The following FGF18 variants were observed in gnomAD, a reference collection of about 807,000 sequenced individuals.
FGF18 encodes fibroblast growth factor 18.
FGF18 carries 5 observed loss-of-function variants against 23.0 expected under a neutral mutation model. That is an observed-to-expected ratio of 0.22 (90% confidence interval 0.11 to 0.46). The LOEUF (loss-of-function observed/expected upper bound fraction) is 0.46, where lower values mean the gene tolerates loss of function less well. Ranked by LOEUF, FGF18 falls within the 20% of genes least tolerant of loss-of-function variation. The pLI is 0.99. For missense variants in FGF18, 180 were observed against 291.6 expected (o/e 0.62, Z 2.79); for synonymous variants, 117 against 118.9 (o/e 0.98, Z 0.10).
At chr5:171,444,717 C>A (rs1772393177) in intron 3 of FGF18, among the ~76,000 whole-genome samples, 1 of 152,106 alleles carries the variant, frequency 6.6e-6, no homozygotes, top group African/African-American at 2.4e-5. Context: ...CAGACCTTAC[C>A]CTGCTCTTCC....
intron 4 of FGF18, among the ~76,000 whole-genome samples, chr5:171,455,187 G>T (rs1382204329): frequency 2.6e-5 from 4 of 152,198 alleles, no homozygotes; most frequent in Non-Finnish European, 5.9e-5. Flanking sequence ...AGTGCTCCTT[G>T]TCCAGCAGAC....
chr5:171,423,797 T>TTTTTGTTTTTTG (rs1772055633), intron 2 of FGF18, among the ~76,000 whole-genome samples: 1 of 134,290 alleles, frequency 7.4e-6, no homozygotes. Context: ...TTTTTTTTTT[T>TTTTTGTTTTTTG]GTGCTCTGTC....
chr5:171,429,027 C>T (rs1772139567), intron 2 of FGF18, among the ~76,000 whole-genome samples: 1 of 152,198 alleles, frequency 6.6e-6, no homozygotes, highest in Admixed American at 6.5e-5. Context: ...AATGGACAGT[C>T]TGGGGGGTGG....
In FGF18 at chr5:171,434,805, C is replaced by T. The variant is rs987428544; in HGVS notation, c.70-1288C>T. Among the ~76,000 whole-genome samples the T allele has an allele frequency of 6.9e-6, 1 of 145,332 alleles. No homozygotes were observed. Among genetic ancestry groups the T allele is most frequent in the South Asian group, 2.2e-4 (1 of 4,500 alleles). On this transcript the variant is annotated intron_variant, in intron 2 of 4. Transcript: ENST00000274625. The surrounding 1 kb of genome is among the most constrained non-coding windows in gnomAD (Gnocchi z 4.6). ...ATGAGAGACACTGCTCCAGCTTTCT[C>T]TCCCTTTTTTTTTTTTTTTTGATGG...
In FGF18 at chr5:171,451,173, C is replaced by T. The variant is rs1478535222; in HGVS notation, c.357+1920C>T. Among the ~76,000 whole-genome samples, 1 of 151,906 alleles carries T rather than the reference C, an allele frequency of 6.6e-6. No homozygotes were observed. Among genetic ancestry groups the T allele is most frequent in the Admixed American group, 6.6e-5 (1 of 15,252 alleles). On this transcript the variant is annotated intron_variant, in intron 4 of 4. Transcript: ENST00000274625. This position sits in a 1 kb window ranked among gnomAD's most constrained non-coding sequence, Gnocchi z 4.5. ...TCTCTCCCGTCATTAATATTGGTGA[C>T]GGTTCAGCTGGCGCGGCGCACCCTG...
chr5:171,430,568 C>T (rs1481364353), intron 2 of FGF18, among the ~76,000 whole-genome samples: 1 of 148,196 alleles, frequency 6.7e-6, no homozygotes, highest in Non-Finnish European at 1.5e-5. Flanking sequence ...GCGGGTGGAT[C>T]ATGAGGTCAG....
Position 171,439,550 on chromosome 5 carries a change from G to T in FGF18, c.250+3277G>T, listed in dbSNP as rs554084810. Among the ~76,000 whole-genome samples, 8 of 152,330 alleles carry T rather than the reference G, an allele frequency of 5.3e-5. No individual in the cohort carries two copies. The South Asian group carries it at 6.2e-4, about 12-fold the overall frequency. ...GTTGCCATGTCATAGAACAGCACTG[G>T]AACAGGAAGCAGGACACTGAGTTCC... On this transcript the variant is annotated intron_variant, in intron 3 of 4. Transcript: ENST00000274625.
At chr5:171,426,189 G>A (rs1772086102) in intron 2 of FGF18, among the ~76,000 whole-genome samples, 1 of 152,164 alleles carries the variant, frequency 6.6e-6, no homozygotes, top group Admixed American at 6.5e-5. Context: ...CCAAACTCTT[G>A]TTTGTAGTCC....
intron 2 of FGF18, among the ~76,000 whole-genome samples, chr5:171,426,384 T>C (rs1772089513): frequency 6.6e-6 from 1 of 152,212 alleles, no homozygotes; most frequent in African/African-American, 2.4e-5. Context: ...GCTTTTGCTG[T>C]GTTGGCTCTT....
rs1772457061 is a variant in FGF18, at chr5:171,449,176, G to A, written c.280G>A (p.Gly94Ser). 6.2e-7 allele frequency: 1 copy of A among 1,613,890 alleles called. No homozygotes were observed. Among genetic ancestry groups the A allele is most frequent in the Non-Finnish European group, 8.5e-7 (1 of 1,179,968 alleles). Residue 94 changes from glycine (G) to serine (S), a missense_variant, in exon 4 of 5, where the codon GGT becomes AGT. This residue lies in a region of FGF18 where 83 missense variants were observed against 190.4 expected (regional missense o/e 0.44). Coordinates refer to ENST00000274625, the MANE Select transcript of FGF18 (RefSeq NM_003862.3). ...AQLLVETDTF[G>S]SQVRIKGKET... is the part of the protein sequence containing the mutation. ...GCTCCTAGTGGAGACAGACACCTTC[G>A]GTAGTCAAGTCCGGATCAAGGGCAA... is the stretch of plus-strand genomic sequence containing the variant.
At chr5:171,422,857 A>G (rs1053009327) in intron 2 of FGF18, among the ~76,000 whole-genome samples, 4 of 152,148 alleles carry the variant, frequency 2.6e-5, no homozygotes, top group Non-Finnish European at 1.5e-5. Context: ...CTCCAGCTCC[A>G]TCTTTCCCTC....
At chr5:171,438,850 G>A (rs1772292799) in intron 3 of FGF18, among the ~76,000 whole-genome samples, 1 of 152,058 alleles carries the variant, frequency 6.6e-6, no homozygotes. Context: ...CAGGGCAGGA[G>A]GATGGGCCTG....
Position 171,443,500 on chromosome 5 carries a change from C to CTTTTT in FGF18, c.251-5647_251-5646insTTTTT, listed in dbSNP as rs766926286. ...TCAGATAAGTATTCACTGTTATCAT[C>CTTTTT]ATTTTTTTTTTTTTTTTTTTTTTTT... On this transcript the variant is annotated intron_variant, in intron 3 of 4. Coordinates refer to ENST00000274625, the MANE Select transcript of FGF18 (RefSeq NM_003862.3). 7.3e-3 allele frequency among the ~76,000 whole-genome samples: 512 copies of CTTTTT among 70,368 alleles called. 17 individuals are homozygous for CTTTTT. The highest frequency in any genetic ancestry group is 0.051 in the Middle Eastern group (5 of 98). The allele number at this position is 70,368 out of a possible 152,430, so 46.2% of individuals were successfully genotyped here.
intron 3 of FGF18, among the ~76,000 whole-genome samples, chr5:171,448,418 G>A (rs1228459546): frequency 1.3e-5 from 2 of 152,190 alleles, no homozygotes; most frequent in African/African-American, 2.4e-5. Flanking sequence ...TAAAGGTGCC[G>A]GGGGCACTAG....
chr5:171,439,054 C>A (rs1270718298), intron 3 of FGF18, among the ~76,000 whole-genome samples: 2 of 152,186 alleles, frequency 1.3e-5, no homozygotes, highest in Admixed American at 1.3e-4. Flanking sequence ...TCCCCGTAAA[C>A]ACCTGGAATC....
At chr5:171,453,499 C>T (rs1308489720) in intron 4 of FGF18, among the ~76,000 whole-genome samples, 5 of 152,204 alleles carry the variant, frequency 3.3e-5, no homozygotes, top group Non-Finnish European at 7.3e-5. Flanking sequence ...GCAGCACCTG[C>T]TCCTCACCTT....
intron 2 of FGF18, among the ~76,000 whole-genome samples, chr5:171,425,138 C>G (rs1019465973): frequency 6.6e-6 from 1 of 152,142 alleles, no homozygotes; most frequent in Admixed American, 6.5e-5. Context: ...TAGCAGGAGA[C>G]TTGTGGGTGT....
intron 2 of FGF18, among the ~76,000 whole-genome samples, chr5:171,428,140 A>C (rs1772124887): frequency 6.6e-6 from 1 of 152,144 alleles, no homozygotes; most frequent in South Asian, 2.1e-4. Context: ...CCACCAGCCC[A>C]CGGGTTCCTG....
At chr5:171,444,178 C>T (rs1772386321) in intron 3 of FGF18, among the ~76,000 whole-genome samples, 1 of 152,158 alleles carries the variant, frequency 6.6e-6, no homozygotes, top group African/African-American at 2.4e-5. Context: ...CTAACTTCTG[C>T]CCAAAGAAAG....
Sources: allele counts gnomAD v4.1 joint callset (sites outside exome capture counted in the v4.1 genomes callset), GRCh38; gene constraint gnomAD v4.1.1; regional missense constraint gnomAD v4.1.1; non-coding constraint Gnocchi (gnomAD v3.1); transcripts MANE v1.5; gene names NCBI Gene and HGNC (gene_info 2026-07-23, HGNC 2026-07-21).